SCRG1: variants seen among roughly 807,000 people sequenced by gnomAD.
The protein encoded by SCRG1 is scrapie-responsive protein 1.
Under a neutral mutation model 7.7 loss-of-function variants are expected in SCRG1, and 3 were observed. The ratio of observed to expected loss-of-function variants is 0.39; its 90% confidence interval spans 0.18 to 1.01. The LOEUF is 1.01. SCRG1 is among the 50% of genes least tolerant of loss of function. The pLI is 0.36. For synonymous variants in SCRG1, 46 were observed against 41.2 expected, an observed-to-expected ratio of 1.12 and a Z score of -0.44; for missense variants, 110 against 117.2, an observed-to-expected ratio of 0.94 and a Z score of 0.28.
the SCRG1 span, among the ~76,000 whole-genome samples, chr4:173,480,510 ACT>A: frequency 6.6e-6 from 1 of 152,128 alleles, no homozygotes; most frequent in Non-Finnish European, 1.5e-5. Flanking sequence ...TTGGAAAAAA[ACT>A]CTACATATAC....
At chr4:173,446,982 C>T in the SCRG1 span, among the ~76,000 whole-genome samples, 1 of 152,182 alleles carries the variant, frequency 6.6e-6, no homozygotes, top group Non-Finnish European at 1.5e-5. Flanking sequence ...GTGATAAAAT[C>T]TTGAGTTTAC....
chr4:173,484,489 A>G, the SCRG1 span, among the ~76,000 whole-genome samples: 23 of 49,984 alleles, frequency 4.6e-4, no homozygotes, highest in East Asian at 4.8e-3. Flanking sequence ...TATATTATAT[A>G]CATATAATAT....
the SCRG1 span, among the ~76,000 whole-genome samples, chr4:173,485,063 T>C: frequency 4.2e-3 from 28 of 6,730 alleles, 4 homozygotes; most frequent in African/African-American, 0.011. Flanking sequence ...TATTATATAT[T>C]ATATATTATA....
the SCRG1 span, among the ~76,000 whole-genome samples, chr4:173,488,959 T>A: frequency 6.6e-6 from 1 of 152,188 alleles, no homozygotes; most frequent in Admixed American, 6.5e-5. Context: ...TGACAAAACA[T>A]GACACAGCTA....
chr4:173,402,197 C>T (rs1001538762), upstream of SCRG1, among the ~76,000 whole-genome samples: 1 of 152,126 alleles, frequency 6.6e-6, no homozygotes, highest in African/African-American at 2.4e-5. Context: ...ATGTAATGTA[C>T]AGATTTCCAG....
the SCRG1 span, among the ~76,000 whole-genome samples, chr4:173,462,940 A>G: frequency 4.6e-5 from 7 of 152,300 alleles, no homozygotes; most frequent in East Asian, 1.2e-3. Context: ...CCTCAAACCA[A>G]AAAACATACA....
chr4:173,423,407 G>T, the SCRG1 span, among the ~76,000 whole-genome samples: 165 of 152,250 alleles, frequency 1.1e-3, no homozygotes, highest in Non-Finnish European at 1.8e-3. Flanking sequence ...ATGAAACAGT[G>T]TTACCAAGAA....
the SCRG1 span, among the ~76,000 whole-genome samples, chr4:173,460,595 A>C: frequency 6.6e-6 from 1 of 152,194 alleles, no homozygotes; most frequent in Non-Finnish European, 1.5e-5. Context: ...CCTGAAGGAA[A>C]GGACCCAGTC....
At chr4:173,453,111 G>C in the SCRG1 span, among the ~76,000 whole-genome samples, 1 of 152,230 alleles carries the variant, frequency 6.6e-6, no homozygotes, top group South Asian at 2.1e-4. Flanking sequence ...AGGTGACACA[G>C]ATGACATTTG....
At chr4:173,441,806 G>A in the SCRG1 span, among the ~76,000 whole-genome samples, 1 of 152,282 alleles carries the variant, frequency 6.6e-6, no homozygotes, top group East Asian at 1.9e-4. Flanking sequence ...GCCCAACCAG[G>A]AGTTCAAGGC....
the SCRG1 span, among the ~76,000 whole-genome samples, chr4:173,474,698 C>T: frequency 6.6e-6 from 1 of 152,172 alleles, no homozygotes; most frequent in Non-Finnish European, 1.5e-5. Flanking sequence ...CATCCCTAGA[C>T]CAGTGTAACA....
chr4:173,402,239 T>C (rs1036068595), upstream of SCRG1, among the ~76,000 whole-genome samples: 2 of 152,214 alleles, frequency 1.3e-5, no homozygotes, highest in African/African-American at 4.8e-5. Flanking sequence ...TTTTATGTGA[T>C]GATGATGACG....
the SCRG1 span, among the ~76,000 whole-genome samples, chr4:173,411,461 G>T: frequency 0.41 from 62,984 of 152,104 alleles, 15,160 homozygotes; most frequent in Non-Finnish European, 0.54. Context: ...CAGAATGGGG[G>T]TCGGGGTTAC....
the SCRG1 span, among the ~76,000 whole-genome samples, chr4:173,479,202 G>A: frequency 6.6e-6 from 1 of 152,064 alleles, no homozygotes; most frequent in South Asian, 2.1e-4. Context: ...ACAGAACTCT[G>A]GAAACCAATG....
the SCRG1 span, among the ~76,000 whole-genome samples, chr4:173,472,612 A>G: frequency 5.3e-5 from 8 of 152,346 alleles, no homozygotes; most frequent in East Asian, 1.5e-3. Flanking sequence ...CTGATGTTTT[A>G]GTGTGAGTCT....
chr4:173,447,093 A>C, the SCRG1 span, among the ~76,000 whole-genome samples: 2 of 152,354 alleles, frequency 1.3e-5, no homozygotes, highest in South Asian at 4.1e-4. Context: ...GCCATAGGTC[A>C]GGTGGCTTAA....
At chr4:173,452,313 T>C in the SCRG1 span, among the ~76,000 whole-genome samples, 4 of 151,874 alleles carry the variant, frequency 2.6e-5, no homozygotes, top group Admixed American at 6.6e-5. Flanking sequence ...ATCAGAGAGG[T>C]CTTCATCCTC....
At chr4:173,478,916 T>C in the SCRG1 span, among the ~76,000 whole-genome samples, 1 of 152,200 alleles carries the variant, frequency 6.6e-6, no homozygotes, top group Non-Finnish European at 1.5e-5. Flanking sequence ...TGTGTTTTCA[T>C]TCATGTCTTT....
chr4:173,391,955 T>C (rs966467732), intron 1 of SCRG1, among the ~76,000 whole-genome samples: 6 of 151,990 alleles, frequency 3.9e-5, no homozygotes, highest in African/African-American at 9.7e-5. Flanking sequence ...GGAGGAAGTG[T>C]TGGTGGGGGC....
Sources: gnomAD v4.1 joint callset for allele counts (sites outside exome capture counted in the v4.1 genomes callset) on GRCh38, gnomAD v4.1.1 for gene constraint, MANE v1.5 for transcripts, NCBI Gene and HGNC (gene_info 2026-07-23, HGNC 2026-07-21) for gene names.